Variants in VWC2L observed in about 807,000 individuals in gnomAD.
VWC2L encodes the protein von Willebrand factor C domain-containing protein 2-like.
A neutral mutation model predicts 21.6 loss-of-function variants in VWC2L; 10 were observed. That is an observed-to-expected ratio of 0.46 (90% CI 0.29 to 0.78). The LOEUF (loss-of-function observed/expected upper bound fraction) is 0.78, where lower values mean the gene tolerates loss of function less well. Among genes scored for constraint, VWC2L ranks in the 30% least tolerant of loss-of-function variants. The probability of loss-of-function intolerance (pLI) is 0.10; values close to 1 mark genes in which losing one functional copy is unlikely to be tolerated. For synonymous variants in VWC2L, 96 were observed against 94.3 expected (o/e 1.02, Z -0.10); for missense variants, 209 against 277.1 (o/e 0.75, Z 1.74).
intron 3 of VWC2L, chr2:214,473,798 TAACC>T (rs1703344115): frequency 6.6e-6 from 1 of 151,124 alleles, no homozygotes; most frequent in South Asian, 2.1e-4. Flanking sequence ...AAAGACACTC[TAACC>T]AACATGTGTA....
In VWC2L at chr2:214,554,508, AC is replaced by A. The variant is rs1363324694; in HGVS notation, c.521-21163del. Among the ~76,000 whole-genome samples, 4 of 152,178 alleles carry A rather than the reference AC, an allele frequency of 2.6e-5. No homozygotes were observed. The East Asian group carries it at 5.8e-4, about 22-fold the overall frequency. ...GAGAAACCCCATCTCCACTAAAAAT[AC>A]AAAATTAGCCGGGTGTGGTGGTGCA... On this transcript the variant is annotated intron_variant, in intron 3 of 3. Coordinates refer to ENST00000312504, the MANE Select transcript of VWC2L (RefSeq NM_001080500.4).
At chr2:214,513,194 G>C (rs1044763625) in intron 3 of VWC2L, among the ~76,000 whole-genome samples, 1 of 152,086 alleles carries the variant, frequency 6.6e-6, no homozygotes, top group Non-Finnish European at 1.5e-5. Context: ...AGTGATTACT[G>C]TCGGGTCAAA....
At chr2:214,414,684 AT>A (rs1183941995) in intron 2 of VWC2L, 101 bp downstream of exon 2, 1 of 1,301,964 alleles carries the variant, frequency 7.7e-7, no homozygotes, top group African/African-American at 1.5e-5. Flanking sequence ...GTACTTTAAA[AT>A]TTCCCTTTAA....
chr2:214,471,923 G>C (rs960597817), intron 3 of VWC2L, among the ~76,000 whole-genome samples: 3 of 152,104 alleles, frequency 2.0e-5, no homozygotes, highest in African/African-American at 7.2e-5. Context: ...TAAAACCCAA[G>C]GGCACCTGCC....
chr2:214,560,104 T>G (rs1689942819), intron 3 of VWC2L, among the ~76,000 whole-genome samples: 1 of 152,210 alleles, frequency 6.6e-6, no homozygotes, highest in Non-Finnish European at 1.5e-5. Flanking sequence ...TTTATACTGA[T>G]CTTATTATTT....
At chr2:214,420,838 C>T (rs927036927) in intron 2 of VWC2L, among the ~76,000 whole-genome samples, 4 of 152,166 alleles carry the variant, frequency 2.6e-5, no homozygotes, top group Admixed American at 2.6e-4. Flanking sequence ...AATGCAGTTT[C>T]TGTTTTGCAG....
At chr2:214,451,051 A>C (rs763245821) in intron 3 of VWC2L, among the ~76,000 whole-genome samples, 1 of 152,032 alleles carries the variant, frequency 6.6e-6, no homozygotes, top group Non-Finnish European at 1.5e-5. Context: ...TGCGTTCTTA[A>C]TCAGTAGTTC....
chr2:214,549,549 C>G (rs921119217), intron 3 of VWC2L, among the ~76,000 whole-genome samples: 1 of 152,196 alleles, frequency 6.6e-6, no homozygotes, highest in South Asian at 2.1e-4. Flanking sequence ...TCAAGACAGG[C>G]GGATCACAAG....
chr2:214,564,869 C>G (rs1690037876), intron 3 of VWC2L, among the ~76,000 whole-genome samples: 1 of 152,058 alleles, frequency 6.6e-6, no homozygotes, highest in Non-Finnish European at 1.5e-5. Context: ...TCCTACACAT[C>G]TCCTCCCTCA....
In VWC2L at chr2:214,414,188, A is replaced by G. The variant is rs1248978342; in HGVS notation, c.-6A>G. 2 of 1,604,668 alleles carry G rather than the reference A, an allele frequency of 1.2e-6. No individual in the cohort carries two copies. The highest frequency in any genetic ancestry group is 2.2e-5 in the East Asian group (1 of 44,840). On this transcript the variant is annotated 5_prime_UTR_variant, in exon 2 of 4. Transcript: ENST00000312504. Reference sequence around the variant, plus strand: ...GGAGCACATCCAGAAGTCTTTGAAGAGGGGGATGGCTCTTCATATTCATGA... The same window carrying G: ...GGAGCACATCCAGAAGTCTTTGAAGGGGGGGATGGCTCTTCATATTCATGA...
At chr2:214,486,549 T>C (rs1320808241) in intron 3 of VWC2L, among the ~76,000 whole-genome samples, 2 of 152,158 alleles carry the variant, frequency 1.3e-5, no homozygotes, top group Non-Finnish European at 2.9e-5. Flanking sequence ...TATCTCTGCG[T>C]TGATGAGTAA....
intron 3 of VWC2L, among the ~76,000 whole-genome samples, chr2:214,504,970 C>G (rs1029826403): frequency 6.6e-6 from 1 of 152,130 alleles, no homozygotes; most frequent in Non-Finnish European, 1.5e-5. Context: ...ATTTGACTGG[C>G]CTGAACACTT....
chr2:214,434,420 C>T (rs1702647255), intron 2 of VWC2L, among the ~76,000 whole-genome samples: 1 of 152,100 alleles, frequency 6.6e-6, no homozygotes, highest in African/African-American at 2.4e-5. Context: ...TCTAAGTTTC[C>T]ATAATAATCT....
chr2:214,472,966 G>T (rs1574584022), intron 3 of VWC2L, among the ~76,000 whole-genome samples: 1 of 152,248 alleles, frequency 6.6e-6, no homozygotes, highest in Middle Eastern at 3.4e-3. Context: ...GAATGATAAA[G>T]CCATTTCTTT....
intron 3 of VWC2L, among the ~76,000 whole-genome samples, chr2:214,501,530 T>A (rs1440827455): frequency 6.6e-6 from 1 of 151,996 alleles, no homozygotes; most frequent in African/African-American, 2.4e-5. Flanking sequence ...GAGACCAGCC[T>A]GGCCAACATG....
chr2:214,498,205 A>G (rs770857841), intron 3 of VWC2L, among the ~76,000 whole-genome samples: 6 of 152,128 alleles, frequency 3.9e-5, no homozygotes, highest in Non-Finnish European at 7.4e-5. Context: ...GACTCCACTT[A>G]GATGTTTCAG....
At chr2:214,540,775 A>C (rs1372157530) in intron 3 of VWC2L, among the ~76,000 whole-genome samples, 1 of 152,178 alleles carries the variant, frequency 6.6e-6, no homozygotes, top group Admixed American at 6.5e-5. Flanking sequence ...TAAACAATAC[A>C]TCAGAAAGCA....
intron 3 of VWC2L, among the ~76,000 whole-genome samples, chr2:214,461,062 G>A (rs1432790301): frequency 6.6e-6 from 1 of 152,172 alleles, no homozygotes; most frequent in Non-Finnish European, 1.5e-5. Flanking sequence ...CAGTGACTTG[G>A]GCTGCAGTTA....
rs115875983 is a variant in VWC2L, at chr2:214,451,362, A to C, written c.520+14604A>C. Among the ~76,000 whole-genome samples the C allele has an allele frequency of 2.4e-3, 356 of 148,814 alleles. 3 individuals carry two copies. Among genetic ancestry groups the C allele is most frequent in the African/African-American group, 8.4e-3 (338 of 40,448 alleles). ...AATTGTCATCCAATGACTACCTGTG[A>C]GAATGTTCTACTAAGATAAGAAGAA... is the stretch of plus-strand genomic sequence containing the variant. On this transcript the variant is annotated intron_variant, in intron 3 of 3. Coordinates refer to ENST00000312504, the MANE Select transcript of VWC2L (RefSeq NM_001080500.4).
Sources: allele counts gnomAD v4.1 joint callset (sites outside exome capture counted in the v4.1 genomes callset), GRCh38; gene constraint gnomAD v4.1.1; transcripts MANE v1.5; gene names NCBI Gene and HGNC (gene_info 2026-07-23, HGNC 2026-07-21).